The following CPNE2 variants were observed in gnomAD, a reference collection of about 807,000 sequenced individuals.
CPNE2 encodes copine-2.
A neutral mutation model predicts 69.7 loss-of-function variants in CPNE2; 42 were observed. That is an observed-to-expected ratio of 0.60 (90% CI 0.47 to 0.78). CPNE2 has a LOEUF of 0.78. Ranked by LOEUF, CPNE2 falls within the 30% of genes least tolerant of loss-of-function variation. The pLI is 0.00. For missense variants in CPNE2, 587 were observed against 732.0 expected (o/e 0.80, Z 2.29); for synonymous variants, 294 against 289.8 (o/e 1.01, Z -0.15).
intron 8 of CPNE2, 60 bp downstream of exon 8, chr16:57,121,251 C>T (rs945275010): frequency 3.6e-5 from 54 of 1,487,310 alleles, no homozygotes; most frequent in Non-Finnish European, 4.4e-5. Flanking sequence ...GAAGGGGCAC[C>T]GGGTCTTGGG....
Position 57,113,527 on chromosome 16 carries a change from G to A in CPNE2, c.360+60G>A, listed in dbSNP as rs1597494148. 8.5e-6 allele frequency: 13 copies of A among 1,526,022 alleles called. No homozygotes were observed. The East Asian group carries it at 2.8e-4, about 33-fold the overall frequency. The allele number at this position is 1,526,022 out of a possible 1,614,324, so 94.5% of individuals were successfully genotyped here. A position where few individuals can be genotyped will look rare whatever the true frequency, so the allele number is the denominator to read the frequency against. On this transcript the variant is annotated intron_variant, in intron 3 of 15. Transcript: ENST00000290776. ...CAAAGACCGGGCAACCCCTCAAAAAGTCTCTTCTCGTGCTGTCTTTCCCTA... is the reference window on the plus strand; with the variant it reads ...CAAAGACCGGGCAACCCCTCAAAAAATCTCTTCTCGTGCTGTCTTTCCCTA...
chr16:57,120,323 C>A (rs2069752442), intron 7 of CPNE2, among the ~76,000 whole-genome samples: 1 of 151,584 alleles, frequency 6.6e-6, no homozygotes, highest in African/African-American at 2.4e-5. Context: ...GCCTGTAATC[C>A]CAGCACTTTG....
intron 1 of CPNE2, among the ~76,000 whole-genome samples, chr16:57,095,369 C>A (rs180855820): frequency 1.4e-4 from 22 of 152,374 alleles, no homozygotes; most frequent in Admixed American, 1.4e-3. Flanking sequence ...ATGTCTTCTG[C>A]CCTCATTGGG....
intron 1 of CPNE2, among the ~76,000 whole-genome samples, chr16:57,100,164 A>G (rs545760574): frequency 6.6e-6 from 1 of 152,046 alleles, no homozygotes; most frequent in East Asian, 1.9e-4. Context: ...CTCAGCCTCC[A>G]AAAGTGCTGG....
intron 2 of CPNE2, among the ~76,000 whole-genome samples, chr16:57,112,393 C>T (rs1226430360): frequency 6.6e-6 from 1 of 152,048 alleles, no homozygotes; most frequent in Non-Finnish European, 1.5e-5. Context: ...GAGTGGTATC[C>T]CCCTGACTCA....
chr16:57,097,639 T>C (rs1446554738), intron 1 of CPNE2, among the ~76,000 whole-genome samples: 5 of 152,116 alleles, frequency 3.3e-5, no homozygotes, highest in Non-Finnish European at 7.4e-5. Context: ...TGGGTGACTT[T>C]CTCCAGCACA....
Position 57,147,783 on chromosome 16 carries a change from G to A in CPNE2, c.*125G>A, listed in dbSNP as rs1324824985. 2.2e-5 allele frequency: 12 copies of A among 550,656 alleles called. No homozygotes were observed. Among genetic ancestry groups the A allele is most frequent in the Middle Eastern group, 4.4e-4 (1 of 2,264 alleles). The allele number at this position is 550,656 out of a possible 1,614,324, so 34.1% of individuals were successfully genotyped here. ...ATCCCCTTTTTTATTTTTTACAACC[G>A]GACCTCCACCCCCAACTTCCTCCAG... On this transcript the variant is annotated 3_prime_UTR_variant, in exon 16 of 16. Transcript: ENST00000290776.
Position 57,110,224 on chromosome 16 carries a change from C to CT in CPNE2, c.-35-466dup, listed in dbSNP as rs145923720. ...CAGAGACTCTTTTTTCTTTTCTTTT[C>CT]TTTTTTTTTTTTTTTTTTGAGATGG... On this transcript the variant is annotated intron_variant, in intron 1 of 15. Coordinates refer to ENST00000290776, the MANE Select transcript of CPNE2 (RefSeq NM_152727.6). Among the ~76,000 whole-genome samples, 365 of 119,022 alleles carry CT rather than the reference C, an allele frequency of 3.1e-3. 1 individual carries two copies. The highest frequency in any genetic ancestry group is 9.0e-3 in the African/African-American group (296 of 32,732). The allele number at this position is 119,022 out of a possible 152,430, so 78.1% of individuals were successfully genotyped here.
At chr16:57,142,288 C>CT in intron 14 of CPNE2, 1 of 152,388 alleles carries the variant, frequency 6.6e-6, no homozygotes. Flanking sequence ...TCAGGAAAGG[C>CT]TTTTTGGGAA....
intron 6 of CPNE2, 125 bp from the exon 7 acceptor site, chr16:57,119,436 C>G: frequency 8.9e-7 from 1 of 1,118,764 alleles, no homozygotes; most frequent in Non-Finnish European, 1.3e-6. Flanking sequence ...CAGGGACGCT[C>G]ACTTCTGTCT....
Position 57,118,648 on chromosome 16 carries a change from AGATG to A in CPNE2, c.508-507_508-504del, listed in dbSNP as rs3054318. 3.2e-3 allele frequency among the ~76,000 whole-genome samples: 459 copies of A among 141,772 alleles called. 1 individual carries two copies. Among genetic ancestry groups the A allele is most frequent in the African/African-American group, 7.6e-3 (287 of 37,606 alleles). 93.0% of individuals were successfully genotyped at this position (141,772 alleles called of 152,430 possible). A position where few individuals can be genotyped will look rare whatever the true frequency, so the allele number is the denominator to read the frequency against. On this transcript the variant is annotated intron_variant, in intron 5 of 15. Transcript: ENST00000290776. ...CCTGGGCAATATAGTGAGACCCCAT[AGATG>A]GATGGATGGATGGATGGATGGATGG...
At position 57,115,556 on chromosome 16, in the gene CPNE2, A is replaced by T; in HGVS notation, c.435+6A>T. The T allele has an allele frequency of 6.2e-7, 1 of 1,608,306 alleles. No homozygotes were observed. The highest frequency in any genetic ancestry group is 8.5e-7 in the Non-Finnish European group (1 of 1,176,510). ...CGGGGAAGGGCTTGATTACGGTACC[A>T]GTCCCCTCCCGGCTCTCCGCACCCC... is the stretch of plus-strand genomic sequence containing the variant. On this transcript the variant is annotated splice_donor_region_variant and intron_variant, in intron 4 of 15. Transcript: ENST00000290776.
At chr16:57,133,964 G>A (rs983917568) in intron 12 of CPNE2, among the ~76,000 whole-genome samples, 11 of 152,130 alleles carry the variant, frequency 7.2e-5, no homozygotes, top group African/African-American at 2.7e-4. Context: ...AAGAAAGGAG[G>A]GACTGTCCCC....
At chr16:57,125,526 C>G in intron 10 of CPNE2, 4 of 387,570 alleles carry the variant, frequency 1.0e-5, no homozygotes, top group South Asian at 7.9e-5. Flanking sequence ...GCATGCAGAG[C>G]GAAGCTTATG....
intron 14 of CPNE2, chr16:57,141,189 C>G (rs1258587917): frequency 1.3e-5 from 2 of 152,378 alleles, no homozygotes; most frequent in Non-Finnish European, 2.9e-5. Flanking sequence ...AGAGGTGGGT[C>G]TGTGTCTGCT....
Position 57,146,746 on chromosome 16 carries a change from T to A in CPNE2, c.1539+425T>A, listed in dbSNP as rs2069961341. ...ACAAGGCCTCCCAGTCATCTTAGGT[T>A]GACCTCCTCTCCCTAAAGCCCTCTG... On this transcript the variant is annotated intron_variant, in intron 15 of 15. Transcript: ENST00000290776. The surrounding 1 kb of genome is among the most constrained non-coding windows in gnomAD (Gnocchi z 4.4). The A allele has an allele frequency of 5.5e-6, 1 of 183,278 alleles. No homozygotes were observed. Among genetic ancestry groups the A allele is most frequent in the Non-Finnish European group, 1.2e-5 (1 of 86,310 alleles). The allele number at this position is 183,278 out of a possible 1,614,324, so 11.4% of individuals were successfully genotyped here.
intron 6 of CPNE2, 128 bp from the exon 7 acceptor site, chr16:57,119,433 G>T (rs980402217): frequency 1.8e-5 from 20 of 1,108,178 alleles, no homozygotes; most frequent in Non-Finnish European, 2.6e-5. Flanking sequence ...CCACAGGGAC[G>T]CTCACTTCTG....
chr16:57,113,178 C>A, intron 2 of CPNE2, 110 bp from the exon 3 acceptor site: 1 of 1,001,078 alleles, frequency 1.0e-6, no homozygotes, highest in Non-Finnish European at 1.5e-6. Context: ...ACCACAAGAG[C>A]CTGGCACAGA....
At chr16:57,125,568 G>A in intron 10 of CPNE2, 1 of 453,480 alleles carries the variant, frequency 2.2e-6, no homozygotes, top group Non-Finnish European at 4.1e-6. Flanking sequence ...ACAGATGAAT[G>A]TGTGGATAGG....
Sources: allele counts gnomAD v4.1 joint callset (sites outside exome capture counted in the v4.1 genomes callset), GRCh38; gene constraint gnomAD v4.1.1; non-coding constraint Gnocchi (gnomAD v3.1); transcripts MANE v1.5; gene names NCBI Gene and HGNC (gene_info 2026-07-23, HGNC 2026-07-21).